The following ATF7 variants were observed in gnomAD, a reference collection of about 807,000 sequenced individuals.
ATF7 encodes the protein activating transcription factor 7.
Under a neutral mutation model 50.4 loss-of-function variants are expected in ATF7, and 10 were observed. The observed-to-expected ratio is 0.20, with a 90% CI of 0.12 to 0.34. The LOEUF (loss-of-function observed/expected upper bound fraction) is 0.34. ATF7 is among the 10% of genes least tolerant of loss of function. ATF7 has a pLI of 1.00. For synonymous variants in ATF7, 201 were observed against 226.4 expected, an observed-to-expected ratio of 0.89 and a Z score of 1.01; for missense variants, 465 against 613.9, an observed-to-expected ratio of 0.76 and a Z score of 2.56.
At chr12:53,526,234 C>A (rs1300243474) in intron 9 of ATF7, among the ~76,000 whole-genome samples, 3 of 150,564 alleles carry the variant, frequency 2.0e-5, no homozygotes, top group Admixed American at 1.3e-4. Context: ...AAAGTTATAC[C>A]AAGTGTACCT....
At chr12:53,561,415 G>C (rs967236654) in intron 2 of ATF7, among the ~76,000 whole-genome samples, 1 of 151,724 alleles carries the variant, frequency 6.6e-6, no homozygotes, top group Non-Finnish European at 1.5e-5. Flanking sequence ...TGCTGAGCAG[G>C]TGAAGGAAGA....
chr12:53,532,097 C>CT (rs1938932925), intron 8 of ATF7, among the ~76,000 whole-genome samples: 1 of 152,106 alleles, frequency 6.6e-6, no homozygotes, highest in Non-Finnish European at 1.5e-5. Context: ...TGTTCCCTGG[C>CT]TATCATCCTG....
intron 2 of ATF7, among the ~76,000 whole-genome samples, chr12:53,578,607 C>T (rs533389329): frequency 1.3e-5 from 2 of 151,740 alleles, no homozygotes; most frequent in African/African-American, 2.4e-5. Flanking sequence ...TATCAGCAGA[C>T]CCTATTTCTA....
chr12:53,617,875 A>G (rs139821100), intron 1 of ATF7, among the ~76,000 whole-genome samples: 49 of 148,774 alleles, frequency 3.3e-4, no homozygotes, highest in Non-Finnish European at 6.1e-4. Context: ...CAGTCAGTCC[A>G]TTATACAGAA....
intron 2 of ATF7, among the ~76,000 whole-genome samples, chr12:53,555,036 A>T (rs1408402119): frequency 6.6e-6 from 1 of 152,040 alleles, no homozygotes; most frequent in Non-Finnish European, 1.5e-5. Context: ...CGTAAGAAAA[A>T]AGTGGCCGGG....
chr12:53,517,050 A>G lies in ATF7; in HGVS notation c.*87T>C. Reference sequence around the variant, plus strand: ...TCCCCCCACCCATATTGCCATGTCCAAGGCAGATGGGAGGGGATAAGATGA... The same window carrying G: ...TCCCCCCACCCATATTGCCATGTCCGAGGCAGATGGGAGGGGATAAGATGA... On this transcript the variant is annotated 3_prime_UTR_variant, in exon 12 of 12. Coordinates refer to ENST00000420353, the MANE Select transcript of ATF7 (RefSeq NM_006856.3). 7.0e-7 allele frequency: 1 copy of G among 1,432,834 alleles called. No homozygotes were observed. The highest frequency in any genetic ancestry group is 1.2e-5 in the South Asian group (1 of 85,310). The allele number at this position is 1,432,834 out of a possible 1,614,324, so 88.8% of individuals were successfully genotyped here.
At chr12:53,594,566 C>T (rs1199216594) in intron 2 of ATF7, among the ~76,000 whole-genome samples, 1 of 152,138 alleles carries the variant, frequency 6.6e-6, no homozygotes, top group Admixed American at 6.6e-5. Flanking sequence ...AGTTTAATTC[C>T]TGCTCTTAGC....
chr12:53,595,841 C>T (rs1054199284), intron 2 of ATF7, among the ~76,000 whole-genome samples: 2 of 152,112 alleles, frequency 1.3e-5, no homozygotes, highest in African/African-American at 2.4e-5. Context: ...TTATATGTTT[C>T]GTATCTCAGT....
In ATF7 at chr12:53,534,756, G is replaced by A; in HGVS notation, c.403-97C>T. The A allele has an allele frequency of 5.2e-6, 7 of 1,340,192 alleles. No homozygotes were observed. In the South Asian group the frequency reaches 8.1e-5, roughly 16 times the overall value. The allele number at this position is 1,340,192 out of a possible 1,614,324, so 83.0% of individuals were successfully genotyped here. On this transcript the variant is annotated intron_variant, in intron 5 of 11. Coordinates refer to ENST00000420353, the MANE Select transcript of ATF7 (RefSeq NM_006856.3). ...ATCTAGTACAAATTTATTGGAAAGA[G>A]CATTAGAGCCACTCATTAAATCATG... is the stretch of plus-strand genomic sequence containing the variant.
chr12:53,572,124 T>G (rs1284567642), intron 2 of ATF7, among the ~76,000 whole-genome samples: 1 of 152,054 alleles, frequency 6.6e-6, no homozygotes, highest in African/African-American at 2.4e-5. Context: ...TCTTACTCGA[T>G]TCATAAACCA....
At chr12:53,580,874 G>A (rs967345155) in intron 2 of ATF7, among the ~76,000 whole-genome samples, 1 of 151,978 alleles carries the variant, frequency 6.6e-6, no homozygotes, top group African/African-American at 2.4e-5. Flanking sequence ...CACTTTGGGA[G>A]GCCAAGGTGG....
At chr12:53,573,664 C>T (rs1941898173) in intron 2 of ATF7, among the ~76,000 whole-genome samples, 1 of 152,070 alleles carries the variant, frequency 6.6e-6, no homozygotes, top group South Asian at 2.1e-4. Context: ...GGAATGTATC[C>T]TTGTGAATAA....
intron 1 of ATF7, among the ~76,000 whole-genome samples, chr12:53,602,627 C>G (rs761110577): frequency 6.6e-6 from 1 of 152,150 alleles, no homozygotes; most frequent in Non-Finnish European, 1.5e-5. Flanking sequence ...AGAGCCTATA[C>G]GTACATACAT....
chr12:53,617,644 A>T (rs781612061), intron 1 of ATF7, among the ~76,000 whole-genome samples: 2 of 152,082 alleles, frequency 1.3e-5, no homozygotes, highest in African/African-American at 4.8e-5. Flanking sequence ...AAATTTTTTT[A>T]AATAATAATA....
intron 1 of ATF7, among the ~76,000 whole-genome samples, chr12:53,620,792 A>C (rs1233763848): frequency 6.6e-6 from 1 of 152,072 alleles, no homozygotes; most frequent in African/African-American, 2.4e-5. Flanking sequence ...AAAAGACAGT[A>C]ACAAAATAAC....
intron 4 of ATF7, among the ~76,000 whole-genome samples, chr12:53,542,129 G>A (rs1189903959): frequency 1.6e-5 from 1 of 62,940 alleles, no homozygotes; most frequent in East Asian, 1.9e-3. Context: ...TTTTTTTTAA[G>A]AGATAGGGTC....
chr12:53,509,617 T>G (rs1944091761), downstream of ATF7, among the ~76,000 whole-genome samples: 1 of 151,790 alleles, frequency 6.6e-6, no homozygotes, highest in Non-Finnish European at 1.5e-5. Context: ...GCGATTCTCC[T>G]GCCTCAGCCT....
At chr12:53,624,940 A>C (rs947472881) in intron 1 of ATF7, among the ~76,000 whole-genome samples, 6 of 152,186 alleles carry the variant, frequency 3.9e-5, no homozygotes, top group African/African-American at 1.4e-4. Flanking sequence ...GCCCATAAAG[A>C]CTGATATCGC....
rs148175754 is a variant in ATF7, at chr12:53,540,323, C to T, written c.265-2771G>A. ...CCATCATGATCGCACCACTGCACTCCACCTGGATGACAGAGTGAGACTCCG... is the reference window on the plus strand; with the variant it reads ...CCATCATGATCGCACCACTGCACTCTACCTGGATGACAGAGTGAGACTCCG... On this transcript the variant is annotated intron_variant, in intron 4 of 11. Transcript: ENST00000420353. Among the ~76,000 whole-genome samples the T allele has an allele frequency of 3.4e-5, 5 of 146,924 alleles. No homozygotes were observed. The East Asian group carries it at 8.0e-4, about 24-fold the overall frequency.
Sources: allele counts gnomAD v4.1 joint callset (sites outside exome capture counted in the v4.1 genomes callset), GRCh38; gene constraint gnomAD v4.1.1; transcripts MANE v1.5; gene names NCBI Gene and HGNC (gene_info 2026-07-23, HGNC 2026-07-21).